MOSMO: variants seen among roughly 807,000 people sequenced by gnomAD.
MOSMO encodes the protein modulator of smoothened.
MOSMO carries 5 observed loss-of-function variants against 18.4 expected under a neutral mutation model. That is an observed-to-expected ratio of 0.27 (90% CI 0.14 to 0.57). The LOEUF (loss-of-function observed/expected upper bound fraction) is 0.57. Ranked by LOEUF, MOSMO falls within the 20% of genes least tolerant of loss-of-function variation. The probability of loss-of-function intolerance (pLI) is 0.92; values close to 1 mark genes in which losing one functional copy is unlikely to be tolerated. For synonymous variants in MOSMO, 82 were observed against 82.3 expected, an observed-to-expected ratio of 1.00 and a Z score of 0.02; for missense variants, 138 against 211.8, an observed-to-expected ratio of 0.65 and a Z score of 2.16.
At chr16:22,023,988 T>C (rs1213360416) in intron 1 of MOSMO, among the ~76,000 whole-genome samples, 3 of 149,124 alleles carry the variant, frequency 2.0e-5, no homozygotes, top group African/African-American at 4.9e-5. Flanking sequence ...CTATAGAATT[T>C]TGTACAAATT....
rs140787735 is a variant in MOSMO, at chr16:22,037,153, C to G, written c.106+28746C>G. 2.5e-4 allele frequency among the ~76,000 whole-genome samples: 38 copies of G among 152,250 alleles called. No individual in the cohort carries two copies. In the East Asian group the frequency reaches 6.8e-3, roughly 27 times the overall value. On this transcript the variant is annotated intron_variant, in intron 1 of 2. Transcript: ENST00000542527. ...GGCATGTTGGCTCGTGCCTATAGTC[C>G]TAGCTACTGGAAAGGCTGAGGTGGG...
At chr16:22,067,869 ACT>A (rs1052762965) in intron 1 of MOSMO, among the ~76,000 whole-genome samples, 3 of 147,838 alleles carry the variant, frequency 2.0e-5, no homozygotes, top group Non-Finnish European at 3.0e-5. Context: ...ACAGAATGAG[ACT>A]CTGTCTCTAA....
downstream of MOSMO, chr16:22,087,505 A>G (rs1278219105): frequency 6.6e-6 from 1 of 152,172 alleles, no homozygotes; most frequent in African/African-American, 2.4e-5. Flanking sequence ...CAATTCAAGT[A>G]TTTTCTTAAA....
At chr16:22,017,077 G>A (rs1899653632) in intron 1 of MOSMO, among the ~76,000 whole-genome samples, 1 of 152,108 alleles carries the variant, frequency 6.6e-6, no homozygotes, top group Admixed American at 6.6e-5. Context: ...CTAGTTACTA[G>A]CTTCTGTAAT....
At chr16:22,087,960 A>C (rs1473071752), downstream of MOSMO, among the ~76,000 whole-genome samples, 1 of 152,174 alleles carries the variant, frequency 6.6e-6, no homozygotes, top group African/African-American at 2.4e-5. Flanking sequence ...CATTGTTAAC[A>C]GTTTATTGGG....
downstream of MOSMO, among the ~76,000 whole-genome samples, chr16:22,091,207 T>C (rs1901311775): frequency 6.6e-6 from 1 of 152,192 alleles, no homozygotes; most frequent in South Asian, 2.1e-4. Context: ...TTATTGGTGC[T>C]GGCCACATAA....
chr16:22,018,380 A>G (rs1899684488), intron 1 of MOSMO, among the ~76,000 whole-genome samples: 1 of 152,202 alleles, frequency 6.6e-6, no homozygotes, highest in Non-Finnish European at 1.5e-5. Flanking sequence ...AAAATAGGCC[A>G]TGTTCAGATC....
intron 1 of MOSMO, among the ~76,000 whole-genome samples, chr16:22,018,983 T>A (rs1222717455): frequency 6.6e-6 from 1 of 152,162 alleles, no homozygotes; most frequent in Non-Finnish European, 1.5e-5. Context: ...GCATTTACTT[T>A]GTGACAGATT....
intron 1 of MOSMO, among the ~76,000 whole-genome samples, chr16:22,070,998 T>C (rs904849987): frequency 2.0e-5 from 3 of 152,204 alleles, no homozygotes; most frequent in Admixed American, 6.5e-5. Context: ...TTCAGTTCAA[T>C]TGGGATACTA....
intron 1 of MOSMO, among the ~76,000 whole-genome samples, chr16:22,065,475 T>C (rs1027121586): frequency 6.6e-6 from 1 of 152,168 alleles, no homozygotes; most frequent in South Asian, 2.1e-4. Context: ...CTGAATAATA[T>C]ACTAAAAAGT....
At chr16:22,027,881 A>G (rs1250059430) in intron 1 of MOSMO, among the ~76,000 whole-genome samples, 2 of 152,170 alleles carry the variant, frequency 1.3e-5, no homozygotes, top group Non-Finnish European at 2.9e-5. Context: ...CTTTGGGGAC[A>G]GTTGCCTCAC....
intron 1 of MOSMO, among the ~76,000 whole-genome samples, chr16:22,032,526 A>C (rs1900017264): frequency 6.6e-6 from 1 of 151,972 alleles, no homozygotes; most frequent in African/African-American, 2.4e-5. Context: ...ACTTGTCTTT[A>C]ATATTGAATT....
At chr16:22,063,906 T>C (rs1245789418) in intron 1 of MOSMO, among the ~76,000 whole-genome samples, 14 of 152,240 alleles carry the variant, frequency 9.2e-5, no homozygotes, top group Admixed American at 9.2e-4. Context: ...CTTTACTCAA[T>C]GAATGGTGTT....
At chr16:22,067,287 G>T (rs1310428325) in intron 1 of MOSMO, among the ~76,000 whole-genome samples, 1 of 152,026 alleles carries the variant, frequency 6.6e-6, no homozygotes, top group Non-Finnish European at 1.5e-5. Flanking sequence ...GAGAGAAAAA[G>T]GAGCGGAAAG....
chr16:22,028,829 A>T (rs948960295), intron 1 of MOSMO, among the ~76,000 whole-genome samples: 3 of 152,030 alleles, frequency 2.0e-5, no homozygotes, highest in Admixed American at 1.3e-4. Flanking sequence ...ATGAGTGTAT[A>T]TTGTCAGAGC....
At chr16:22,049,174 A>T (rs1900374755) in intron 1 of MOSMO, among the ~76,000 whole-genome samples, 1 of 152,144 alleles carries the variant, frequency 6.6e-6, no homozygotes, top group African/African-American at 2.4e-5. Context: ...CCACGTTAAT[A>T]GTCAAAATAT....
chr16:22,091,637 C>A (rs1195884488), downstream of MOSMO, among the ~76,000 whole-genome samples: 5 of 152,126 alleles, frequency 3.3e-5, no homozygotes, highest in East Asian at 7.7e-4. Context: ...GCAGTCCTCC[C>A]GCCTCAGCCT....
intron 1 of MOSMO, among the ~76,000 whole-genome samples, chr16:22,068,404 G>T (rs1002282986): frequency 6.6e-6 from 1 of 152,136 alleles, no homozygotes; most frequent in Non-Finnish European, 1.5e-5. Flanking sequence ...AAAATAAAAT[G>T]TACAACATAG....
intron 1 of MOSMO, among the ~76,000 whole-genome samples, chr16:22,053,843 G>T (rs1900478981): frequency 6.6e-6 from 1 of 152,128 alleles, no homozygotes; most frequent in Non-Finnish European, 1.5e-5. Context: ...AAAAGAAACG[G>T]AGTAGTTGGA....
Sources: allele counts gnomAD v4.1 joint callset (sites outside exome capture counted in the v4.1 genomes callset), GRCh38; gene constraint gnomAD v4.1.1; transcripts MANE v1.5; gene names NCBI Gene and HGNC (gene_info 2026-07-23, HGNC 2026-07-21).